NRXN1: variants seen among roughly 807,000 people sequenced by gnomAD.
NRXN1 encodes the protein neurexin 1, also known as neurexin-1.
A neutral mutation model predicts 150.9 loss-of-function variants in NRXN1; 39 were observed. That is an observed-to-expected ratio of 0.26 (90% CI 0.20 to 0.34). NRXN1 has a LOEUF of 0.34. Ranked by LOEUF, NRXN1 falls within the 10% of genes least tolerant of loss-of-function variation. NRXN1 has a pLI of 1.00. For missense variants in NRXN1, 1,815 were observed against 1,949.9 expected, an observed-to-expected ratio of 0.93 and a Z score of 1.30; for synonymous variants, 924 against 757.0, an observed-to-expected ratio of 1.22 and a Z score of -3.62.
chr2:50,176,370 C>T (rs2060354864), intron 18 of NRXN1, among the ~76,000 whole-genome samples: 1 of 152,092 alleles, frequency 6.6e-6, no homozygotes, highest in South Asian at 2.1e-4. Flanking sequence ...TTCCCAAACT[C>T]TTTGCTATTG....
Position 49,921,871 on chromosome 2 carries a change from T to C in NRXN1, c.*73A>G. On this transcript the variant is annotated 3_prime_UTR_variant, in exon 23 of 23. Coordinates refer to ENST00000401669, the MANE Select transcript of NRXN1 (RefSeq NM_001330078.2). ...TGTATGTGCTTCATAAAAAGGAAAGTAAATAAGTTTATATTATGTCTCAGA... is the reference window on the plus strand; with the variant it reads ...TGTATGTGCTTCATAAAAAGGAAAGCAAATAAGTTTATATTATGTCTCAGA... The C allele has an allele frequency of 7.5e-6, 11 of 1,468,624 alleles. 1 individual carries two copies. In the South Asian group the frequency reaches 9.6e-5, roughly 13 times the overall value. 91.0% of individuals were successfully genotyped at this position (1,468,624 alleles called of 1,614,324 possible). A position where few individuals can be genotyped will look rare whatever the true frequency, so the allele number is the denominator to read the frequency against.
chr2:50,513,224 T>C (rs911752161), intron 12 of NRXN1, among the ~76,000 whole-genome samples: 10 of 152,192 alleles, frequency 6.6e-5, no homozygotes, highest in African/African-American at 2.2e-4. Context: ...CTCCTTTTTA[T>C]GGAAAATAAG....
chr2:50,057,948 T>C (rs962009225), intron 19 of NRXN1, among the ~76,000 whole-genome samples: 1 of 152,038 alleles, frequency 6.6e-6, no homozygotes, highest in African/African-American at 2.4e-5. Flanking sequence ...TTGGTAAACA[T>C]AGTTATTATT....
chr2:50,437,369 T>C (rs893181443), intron 17 of NRXN1, among the ~76,000 whole-genome samples: 3 of 152,182 alleles, frequency 2.0e-5, no homozygotes, highest in African/African-American at 7.2e-5. Flanking sequence ...CTTTCCCCCA[T>C]GTTCTCAATC....
chr2:51,011,011 C>A (rs1415954281), intron 2 of NRXN1, among the ~76,000 whole-genome samples: 1 of 151,922 alleles, frequency 6.6e-6, no homozygotes, highest in Non-Finnish European at 1.5e-5. Flanking sequence ...TGGCCTCAAA[C>A]AATTCTCTCA....
chr2:50,253,520 C>A (rs1430225300), intron 17 of NRXN1, among the ~76,000 whole-genome samples: 1 of 152,078 alleles, frequency 6.6e-6, no homozygotes, highest in Non-Finnish European at 1.5e-5. Context: ...CCAGCTTTTT[C>A]CCATTCTGTA....
intron 5 of NRXN1, among the ~76,000 whole-genome samples, chr2:50,870,360 G>A (rs748819779): frequency 6.6e-6 from 1 of 151,762 alleles, no homozygotes; most frequent in Non-Finnish European, 1.5e-5. Context: ...GTGGGTGCTC[G>A]TTATGTTGTC....
intron 17 of NRXN1, among the ~76,000 whole-genome samples, chr2:50,381,435 G>A (rs1046995404): frequency 3.3e-5 from 5 of 151,508 alleles, no homozygotes; most frequent in South Asian, 2.1e-4. Context: ...CTGGGCTTAC[G>A]GCATGCCAAT....
chr2:50,883,305 T>C (rs1679731973), intron 5 of NRXN1, among the ~76,000 whole-genome samples: 1 of 151,860 alleles, frequency 6.6e-6, no homozygotes, highest in South Asian at 2.1e-4. Flanking sequence ...TAATAGTTTC[T>C]AGGTTTATCC....
At chr2:50,793,280 G>A (rs1254177679) in intron 5 of NRXN1, among the ~76,000 whole-genome samples, 1 of 152,080 alleles carries the variant, frequency 6.6e-6, no homozygotes, top group Non-Finnish European at 1.5e-5. Flanking sequence ...TCAATGGTAT[G>A]AAAATGTTCA....
At chr2:50,337,364 C>T (rs140769902) in intron 17 of NRXN1, among the ~76,000 whole-genome samples, 15,887 of 152,038 alleles carry the variant, frequency 0.1, 1,185 homozygotes, top group East Asian at 0.37. Flanking sequence ...GGACTACAGG[C>T]GTGAGCCACC....
chr2:50,958,053 GTTTA>G (rs1466099659), intron 2 of NRXN1, among the ~76,000 whole-genome samples: 2 of 152,010 alleles, frequency 1.3e-5, no homozygotes, highest in African/African-American at 2.4e-5. Context: ...AGAATCCTCT[GTTTA>G]TTTGTCTTGC....
chr2:50,745,305 C>CA (rs932765962), intron 5 of NRXN1, among the ~76,000 whole-genome samples: 10 of 146,542 alleles, frequency 6.8e-5, no homozygotes, highest in Admixed American at 1.4e-4. Flanking sequence ...ATCTGCCCCC[C>CA]CCCAGGACTG....
intron 5 of NRXN1, among the ~76,000 whole-genome samples, chr2:50,684,644 A>G (rs1167356576): frequency 1.3e-5 from 2 of 152,210 alleles, no homozygotes; most frequent in Non-Finnish European, 2.9e-5. Context: ...AGGTGGCCAT[A>G]AATTGACACA....
chr2:49,959,140 A>C (rs1675480871), intron 21 of NRXN1, among the ~76,000 whole-genome samples: 1 of 152,192 alleles, frequency 6.6e-6, no homozygotes, highest in East Asian at 1.9e-4. Flanking sequence ...ATTGAGTCCA[A>C]GCATCCTTAT....
At chr2:50,702,283 C>T (rs886319390) in intron 5 of NRXN1, among the ~76,000 whole-genome samples, 1 of 151,706 alleles carries the variant, frequency 6.6e-6, no homozygotes, top group African/African-American at 2.4e-5. Flanking sequence ...GAGCATCCTA[C>T]AGGCCATTTT....
intron 8 of NRXN1, among the ~76,000 whole-genome samples, chr2:50,613,093 T>G (rs1026103718): frequency 6.6e-6 from 1 of 152,162 alleles, no homozygotes; most frequent in African/African-American, 2.4e-5. Context: ...CCCATCTAGC[T>G]TTCTTGTTAA....
At chr2:50,538,676 C>T (rs1174675800) in intron 9 of NRXN1, 40 bp from the exon 10 acceptor site, 1 of 1,404,376 alleles carries the variant, frequency 7.1e-7, no homozygotes, top group African/African-American at 1.4e-5. Context: ...CTTTAAAAAG[C>T]ACCAACGTGT....
intron 18 of NRXN1, among the ~76,000 whole-genome samples, chr2:50,140,949 G>T (rs1707186246): frequency 1.3e-5 from 2 of 152,042 alleles, no homozygotes; most frequent in South Asian, 4.1e-4. Flanking sequence ...ATATTCATAT[G>T]TATATACGTA....
Sources: gnomAD v4.1 joint callset for allele counts (sites outside exome capture counted in the v4.1 genomes callset) on GRCh38, gnomAD v4.1.1 for gene constraint, MANE v1.5 for transcripts, NCBI Gene and HGNC (gene_info 2026-07-23, HGNC 2026-07-21) for gene names.